The following EYS variants were observed in gnomAD, a reference collection of about 807,000 sequenced individuals.
EYS encodes the protein protein eyes shut homolog.
In EYS, 250 loss-of-function variants were observed where a neutral mutation model predicts 282.1. That is an observed-to-expected ratio of 0.89 (90% CI 0.80 to 0.98). The LOEUF is 0.98. EYS is among the 50% of genes least tolerant of loss of function. The pLI, the probability that EYS is intolerant of heterozygous loss-of-function variation, is 0.00. For missense variants in EYS, 4,016 were observed against 3,709.0 expected (o/e 1.08, Z -2.15); for synonymous variants, 1,355 against 1,282.9 (o/e 1.06, Z -1.20).
intron 5 of EYS, among the ~76,000 whole-genome samples, chr6:65,486,995 G>C (rs987347154): frequency 4.7e-5 from 7 of 148,556 alleles, no homozygotes; most frequent in African/African-American, 1.7e-4. Flanking sequence ...TGGTATATAG[G>C]AATGCTTGTG....
chr6:64,652,358 G>T (rs142035938), intron 22 of EYS, among the ~76,000 whole-genome samples: 1 of 152,290 alleles, frequency 6.6e-6, no homozygotes, highest in Middle Eastern at 3.4e-3. Flanking sequence ...ATTCTGGCTG[G>T]CCTAGAAGGA....
intron 35 of EYS, among the ~76,000 whole-genome samples, chr6:63,873,864 G>T (rs1772886564): frequency 6.6e-6 from 1 of 151,790 alleles, no homozygotes. Flanking sequence ...TTGTAAATTT[G>T]TTTAAGTTCT....
chr6:64,471,647 T>G (rs1776125027), intron 26 of EYS, among the ~76,000 whole-genome samples: 1 of 152,152 alleles, frequency 6.6e-6, no homozygotes, highest in African/African-American at 2.4e-5. Context: ...ATTTTTTAAA[T>G]GAACACACTT....
At chr6:64,933,667 T>C (rs1394419139) in intron 15 of EYS, among the ~76,000 whole-genome samples, 1 of 152,082 alleles carries the variant, frequency 6.6e-6, no homozygotes, top group Non-Finnish European at 1.5e-5. Context: ...CATTCTACTA[T>C]AAAAACACAT....
intron 33 of EYS, among the ~76,000 whole-genome samples, chr6:64,000,866 G>A (rs969550187): frequency 1.3e-5 from 2 of 152,058 alleles, no homozygotes; most frequent in Admixed American, 1.3e-4. Context: ...CTTGAATTCT[G>A]GCCAGGCGCG....
chr6:64,388,528 AAT>A lies in EYS; in HGVS notation c.6078+160_6078+161del, dbSNP rs1582685396. 2.6e-5 allele frequency among the ~76,000 whole-genome samples: 4 copies of A among 152,268 alleles called. No individual in the cohort carries two copies. The East Asian group carries it at 5.8e-4, about 22-fold the overall frequency. ...ATTATACTTTGGTATGATAGATAAA[AAT>A]ATATATGTTAGTAGAGTCACTCAAA... On this transcript the variant is annotated intron_variant, in intron 29 of 42. Coordinates refer to ENST00000503581, the MANE Select transcript of EYS (RefSeq NM_001142800.2).
chr6:65,512,815 C>G (rs1475012597), intron 2 of EYS, among the ~76,000 whole-genome samples: 2 of 151,554 alleles, frequency 1.3e-5, no homozygotes, highest in Non-Finnish European at 1.5e-5. Context: ...TTTATAGCAC[C>G]AAATGCCCAC....
At chr6:64,938,312 A>G (rs1400470498) in intron 15 of EYS, among the ~76,000 whole-genome samples, 3 of 151,454 alleles carry the variant, frequency 2.0e-5, no homozygotes, top group Non-Finnish European at 4.4e-5. Context: ...CTAAAAATAG[A>G]TGAATATAGT....
intron 22 of EYS, among the ~76,000 whole-genome samples, chr6:64,736,905 A>C (rs898716537): frequency 2.6e-5 from 4 of 152,178 alleles, no homozygotes; most frequent in Non-Finnish European, 1.5e-5. Context: ...ATTGTATAAA[A>C]ATGTGAGGGA....
rs1488256314 is a variant in EYS at position 64,661,875 on chromosome 6, A to G, written c.3444-35630T>C. On this transcript the variant is annotated intron_variant, in intron 22 of 42. Coordinates refer to ENST00000503581, the MANE Select transcript of EYS (RefSeq NM_001142800.2). ...AAATACCATTTGACCCAGCCATCCC[A>G]TTACTGGGTATATACCCAAAGTATT... 2.9e-4 allele frequency among the ~76,000 whole-genome samples: 40 copies of G among 140,152 alleles called. 1 individual carries two copies. Among genetic ancestry groups the G allele is most frequent in the African/African-American group, 1.0e-3 (38 of 36,430 alleles). 91.9% of individuals were successfully genotyped at this position (140,152 alleles called of 152,430 possible). A position where few individuals can be genotyped will look rare whatever the true frequency, so the allele number is the denominator to read the frequency against.
intron 30 of EYS, among the ~76,000 whole-genome samples, chr6:64,283,485 C>T (rs560160806): frequency 4.9e-4 from 74 of 152,084 alleles, no homozygotes; most frequent in Non-Finnish European, 9.4e-4. Flanking sequence ...ATATGGGGTA[C>T]TCTGAAGTAT....
intron 22 of EYS, among the ~76,000 whole-genome samples, chr6:64,745,024 AG>A (rs1168974687): frequency 6.6e-6 from 1 of 152,196 alleles, no homozygotes; most frequent in Non-Finnish European, 1.5e-5. Context: ...GAGGGGAAAC[AG>A]TGTGTCATGC....
chr6:65,514,166 T>C (rs1440672087), intron 2 of EYS, among the ~76,000 whole-genome samples: 1 of 151,886 alleles, frequency 6.6e-6, no homozygotes, highest in Non-Finnish European at 1.5e-5. Context: ...CAGAGCCAAA[T>C]CATGAGTGAA....
chr6:64,415,453 A>C (rs973180036), intron 28 of EYS, among the ~76,000 whole-genome samples: 1 of 152,132 alleles, frequency 6.6e-6, no homozygotes, highest in Non-Finnish European at 1.5e-5. Flanking sequence ...TTTATTTGAG[A>C]CTAAATGTCA....
chr6:64,523,690 A>G (rs967552474), intron 26 of EYS, among the ~76,000 whole-genome samples: 4 of 151,680 alleles, frequency 2.6e-5, no homozygotes, highest in Non-Finnish European at 5.9e-5. Context: ...ATAAAGAAAG[A>G]AAGGACTCAG....
chr6:64,726,597 C>T (rs772558381), intron 22 of EYS, among the ~76,000 whole-genome samples: 2 of 152,022 alleles, frequency 1.3e-5, no homozygotes, highest in African/African-American at 2.4e-5. Flanking sequence ...TTGTAAAGAA[C>T]ACTTTTATTC....
chr6:64,952,348 A>T (rs1289024539), intron 14 of EYS, among the ~76,000 whole-genome samples: 1 of 152,052 alleles, frequency 6.6e-6, no homozygotes, highest in Non-Finnish European at 1.5e-5. Flanking sequence ...TATGACTTAT[A>T]TAATTTTAAG....
At chr6:63,968,950 A>G (rs1420907125) in intron 35 of EYS, among the ~76,000 whole-genome samples, 4 of 152,254 alleles carry the variant, frequency 2.6e-5, no homozygotes, top group African/African-American at 9.6e-5. Flanking sequence ...ACTTGTGGTT[A>G]TATAGAAGTA....
chr6:64,673,569 T>G (rs1309987991), intron 22 of EYS, among the ~76,000 whole-genome samples: 1 of 152,080 alleles, frequency 6.6e-6, no homozygotes, highest in Non-Finnish European at 1.5e-5. Context: ...AGGAAACACA[T>G]TTGCTGAGAA....
Sources: allele counts gnomAD v4.1 joint callset (sites outside exome capture counted in the v4.1 genomes callset), GRCh38; gene constraint gnomAD v4.1.1; transcripts MANE v1.5; gene names NCBI Gene and HGNC (gene_info 2026-07-23, HGNC 2026-07-21).